Variants in LASP1 observed in about 807,000 individuals in gnomAD.
The protein encoded by LASP1 is LIM and SH3 protein 1.
LASP1 carries 10 observed loss-of-function variants against 38.6 expected under a neutral mutation model. That is an observed-to-expected ratio of 0.26 (90% CI 0.16 to 0.44). LASP1 has a LOEUF of 0.44. Among genes scored for constraint, LASP1 ranks in the 20% least tolerant of loss-of-function variants. The pLI is 1.00. For missense variants in LASP1, 243 were observed against 375.7 expected, an observed-to-expected ratio of 0.65 and a Z score of 2.92; for synonymous variants, 132 against 140.8, an observed-to-expected ratio of 0.94 and a Z score of 0.44.
rs1475068644 is a variant in LASP1 at position 38,915,046 on chromosome 17, ACCAGCAGCC to A, written c.521_529del (p.Pro174_Gln176del). The A allele has an allele frequency of 1.9e-6, 3 of 1,613,688 alleles. No homozygotes were observed. Among genetic ancestry groups the A allele is most frequent in the African/African-American group, 2.7e-5 (2 of 74,854 alleles). On this transcript the variant is annotated inframe_deletion, in exon 6 of 7. Transcript: ENST00000318008. Reference sequence around the variant, plus strand: ...CCTGTCTCCTCCCATCTTCCAGTTTACCAGCAGCCCCAGCAGCAGCCGGTGGCCCAGTCC... The same window carrying A: ...CCTGTCTCCTCCCATCTTCCAGTTTACCAGCAGCAGCCGGTGGCCCAGTCC...
At chr17:38,884,879 CA>C (rs1234982786) in intron 2 of LASP1, among the ~76,000 whole-genome samples, 1 of 151,924 alleles carries the variant, frequency 6.6e-6, no homozygotes, top group Non-Finnish European at 1.5e-5. Flanking sequence ...TTAGTAGAGA[CA>C]GGGTTTTGCC....
intron 2 of LASP1, among the ~76,000 whole-genome samples, chr17:38,884,160 C>T (rs1209763512): frequency 2.6e-5 from 4 of 151,772 alleles, no homozygotes; most frequent in East Asian, 1.9e-4. Flanking sequence ...GTAGAAAGGG[C>T]GCTGGGCTTT....
chr17:38,915,448 A>G (rs1001637458), intron 6 of LASP1: 8 of 275,888 alleles, frequency 2.9e-5, no homozygotes, highest in African/African-American at 1.1e-4. Context: ...GGGGCCTTCC[A>G]GCACTGGGCG....
At chr17:38,915,347 C>T in intron 6 of LASP1, 1 of 502,634 alleles carries the variant, frequency 2.0e-6, no homozygotes, top group Non-Finnish European at 3.6e-6. Flanking sequence ...GCGTTCCAGC[C>T]CTGGTGTACC....
chr17:38,906,861 C>T (rs1440222325), intron 4 of LASP1, among the ~76,000 whole-genome samples: 2 of 152,178 alleles, frequency 1.3e-5, no homozygotes, highest in Non-Finnish European at 2.9e-5. Flanking sequence ...CCTGAACCCA[C>T]ATGTACTTGG....
intron 4 of LASP1, among the ~76,000 whole-genome samples, chr17:38,909,088 G>T (rs955008440): frequency 6.6e-6 from 1 of 152,172 alleles, no homozygotes; most frequent in Non-Finnish European, 1.5e-5. Flanking sequence ...CTAGGTGCCT[G>T]CCAGGGCCTG....
At chr17:38,912,511 G>A (rs981181981) in intron 4 of LASP1, among the ~76,000 whole-genome samples, 12 of 152,170 alleles carry the variant, frequency 7.9e-5, no homozygotes, top group East Asian at 3.9e-4. Flanking sequence ...TCAGGGTGCC[G>A]CAAGCACAAG....
chr17:38,883,649 A>G (rs547871107), intron 2 of LASP1, among the ~76,000 whole-genome samples: 115 of 151,568 alleles, frequency 7.6e-4, no homozygotes, highest in African/African-American at 2.6e-3. Context: ...CCTAACACCT[A>G]CGTTTTACAG....
chr17:38,879,506 C>G (rs556309693), intron 2 of LASP1, among the ~76,000 whole-genome samples: 3 of 150,730 alleles, frequency 2.0e-5, no homozygotes, highest in Non-Finnish European at 3.0e-5. Flanking sequence ...TAACTTCAAC[C>G]AACTCAAGTA....
chr17:38,905,271 G>A (rs1914744431), intron 4 of LASP1, among the ~76,000 whole-genome samples: 2 of 152,288 alleles, frequency 1.3e-5, no homozygotes, highest in Middle Eastern at 3.4e-3. Flanking sequence ...GTTCACACCT[G>A]TAATCCCAGC....
At chr17:38,896,088 A>AGGGGCAAGCACTCCTGCT (rs1555554953) in intron 3 of LASP1, among the ~76,000 whole-genome samples, 3 of 151,388 alleles carry the variant, frequency 2.0e-5, no homozygotes, top group Admixed American at 6.6e-5. Flanking sequence ...CCTAGACAAC[A>AGGGGCAAGCACTCCTGCT]GGGGCAAGCA....
At chr17:38,900,976 G>C (rs1020899918) in intron 4 of LASP1, among the ~76,000 whole-genome samples, 2 of 152,248 alleles carry the variant, frequency 1.3e-5, no homozygotes, top group Non-Finnish European at 2.9e-5. Flanking sequence ...AAGTGGGGGA[G>C]GGGGAAGATG....
rs3785471 is a variant in LASP1, at chr17:38,913,312, C to T, written c.358-1013C>T. The stretch of plus-strand genomic sequence containing the variant: ...CTCTGCTCATTTTTGGAACCTGACC[C>T]GAGAAGGAGCCCATCCAAGACAATG... On this transcript the variant is annotated intron_variant, in intron 4 of 6. Transcript: ENST00000318008. Among the ~76,000 whole-genome samples, 597 of 152,310 alleles carry T rather than the reference C, an allele frequency of 3.9e-3. 7 individuals are homozygous for T. The highest frequency in any genetic ancestry group is 0.014 in the East Asian group (74 of 5,180).
In LASP1 at chr17:38,918,130, A is replaced by C. The variant is rs1598124860; in HGVS notation, c.613-475A>C. ...ACTCCAGCTTGGGTGACAAAGCAAG[A>C]CTCCATCTCAAAAAAAAAAAAAAAA... is the stretch of plus-strand genomic sequence containing the variant. On this transcript the variant is annotated intron_variant, in intron 6 of 6. Coordinates refer to ENST00000318008, the MANE Select transcript of LASP1 (RefSeq NM_006148.4). This position sits in a 1 kb window ranked among gnomAD's most constrained non-coding sequence, Gnocchi z 4.4. Among the ~76,000 whole-genome samples, 4 of 142,116 alleles carry C rather than the reference A, an allele frequency of 2.8e-5. No homozygotes were observed. Among genetic ancestry groups the C allele is most frequent in the Non-Finnish European group, 3.1e-5 (2 of 65,570 alleles). 93.2% of individuals were successfully genotyped at this position (142,116 alleles called of 152,430 possible).
chr17:38,899,088 C>A, intron 4 of LASP1: 1 of 319,778 alleles, frequency 3.1e-6, no homozygotes. Flanking sequence ...GGAGAGTGGG[C>A]AGGGGATCAA....
At chr17:38,909,021 G>A (rs559489207) in intron 4 of LASP1, among the ~76,000 whole-genome samples, 5 of 146,826 alleles carry the variant, frequency 3.4e-5, no homozygotes, top group Non-Finnish European at 7.5e-5. Context: ...CCATTTTCCC[G>A]GATCAGGAAA....
chr17:38,914,589 A>C, intron 5 of LASP1, 114 bp downstream of exon 5: 2 of 1,291,418 alleles, frequency 1.5e-6, no homozygotes, highest in Non-Finnish European at 2.1e-6. Flanking sequence ...CTCTTAATCA[A>C]CAGGCGATTA....
At chr17:38,892,977 G>C (rs538986132) in intron 3 of LASP1, among the ~76,000 whole-genome samples, 1 of 150,244 alleles carries the variant, frequency 6.7e-6, no homozygotes, top group African/African-American at 2.4e-5. Flanking sequence ...GTGTGTGCGT[G>C]TGCACGCATG....
intron 1 of LASP1, among the ~76,000 whole-genome samples, chr17:38,870,755 C>A (rs1470231880): frequency 6.6e-6 from 1 of 150,912 alleles, no homozygotes; most frequent in African/African-American, 2.4e-5. Flanking sequence ...CCTGGCCTGG[C>A]GGGGCGGGGG....
Sources: gnomAD v4.1 joint callset for allele counts (sites outside exome capture counted in the v4.1 genomes callset) on GRCh38, gnomAD v4.1.1 for gene constraint, Gnocchi (gnomAD v3.1) non-coding constraint, MANE v1.5 for transcripts, NCBI Gene and HGNC (gene_info 2026-07-23, HGNC 2026-07-21) for gene names.